The following ZNF469 variants were observed in gnomAD, a reference collection of about 807,000 sequenced individuals.
ZNF469 encodes the protein zinc finger protein 469.
Under a neutral mutation model 1.0 loss-of-function variants are expected in ZNF469, and 1 was observed. The observed-to-expected ratio is 1.00, with a 90% CI of 0.35 to 4.73. The LOEUF (loss-of-function observed/expected upper bound fraction) is 4.73. Among genes scored for constraint, ZNF469 ranks in the 30% most tolerant of loss-of-function variants. The probability of loss-of-function intolerance (pLI) is 0.16; values close to 1 mark genes in which losing one functional copy is unlikely to be tolerated. For synonymous variants in ZNF469, 2,703 were observed against 2,363.4 expected, an observed-to-expected ratio of 1.14 and a Z score of -4.17; for missense variants, 6,100 against 5,356.3, an observed-to-expected ratio of 1.14 and a Z score of -4.33.
chr16:88,325,009 C>T, the ZNF469 span, among the ~76,000 whole-genome samples: 25 of 152,270 alleles, frequency 1.6e-4, no homozygotes, highest in African/African-American at 6.0e-4. Flanking sequence ...GCACTTCAGC[C>T]AGTGGGAGCA....
rs1906463721 is a variant in ZNF469 at position 88,434,943 on chromosome 16, G to A, written c.7473G>A (p.Lys2491=). 6.5e-7 allele frequency: 1 copy of A among 1,549,962 alleles called. No individual in the cohort carries two copies. The highest frequency in any genetic ancestry group is 8.7e-7 in the Non-Finnish European group (1 of 1,146,944). The part of the protein sequence containing the change: ...FRSGPGLSRH[K]ARKHRPHPGA... ...CCGGGCCGGGCCTGAGCCGGCACAAGGCCAGGAAGCACCGGCCACACCCGG... is the reference window on the plus strand; with the variant it reads ...CCGGGCCGGGCCTGAGCCGGCACAAAGCCAGGAAGCACCGGCCACACCCGG... The change falls in exon 3 of 3, where the codon AAG becomes AAA. Residue 2491 remains lysine, a synonymous_variant. Transcript: ENST00000565624.
intron 1 of ZNF469, among the ~76,000 whole-genome samples, chr16:88,384,650 G>C (rs2092533359): frequency 6.6e-6 from 1 of 152,204 alleles, no homozygotes; most frequent in South Asian, 2.1e-4. Context: ...AGGAAGGCCA[G>C]GGCCTTCTCA....
In ZNF469 at chr16:88,431,251, G is replaced by C. The variant is rs913053503; in HGVS notation, c.3781G>C (p.Gly1261Arg). 1.3e-6 allele frequency: 2 copies of C among 1,550,248 alleles called. No individual in the cohort carries two copies. The highest frequency in any genetic ancestry group is 1.2e-5 in the South Asian group (1 of 84,072). The change falls in exon 3 of 3, where the codon GGT becomes CGT. Residue 1261 changes from glycine to arginine, a missense_variant. Physicochemically the swap from Gly to Arg is moderately radical, Grantham distance 125. Transcript: ENST00000565624. ...ACAGEMGASP[G>R]LLIPEQPPPS... is the part of the protein sequence containing the mutation. ...TGCGGGAGAAATGGGAGCAAGCCCC[G>C]GTCTCCTGATACCAGAGCAGCCGCC...
At chr16:88,109,078 C>G in the ZNF469 span, among the ~76,000 whole-genome samples, 1 of 152,342 alleles carries the variant, frequency 6.6e-6, no homozygotes, top group African/African-American at 2.4e-5. Context: ...AACAAATGCG[C>G]CAGCTGCCAG....
At chr16:88,385,504 A>G (rs2092534931) in intron 1 of ZNF469, among the ~76,000 whole-genome samples, 1 of 152,022 alleles carries the variant, frequency 6.6e-6, no homozygotes, top group South Asian at 2.1e-4. Context: ...TTAGCCAGGC[A>G]TGGTAGTGTG....
At chr16:88,131,160 C>T in the ZNF469 span, among the ~76,000 whole-genome samples, 3 of 152,224 alleles carry the variant, frequency 2.0e-5, no homozygotes, top group African/African-American at 4.8e-5. Context: ...TCAAAACAAA[C>T]GTGCGGCAGA....
chr16:88,148,797 C>T, the ZNF469 span, among the ~76,000 whole-genome samples: 1 of 152,124 alleles, frequency 6.6e-6, no homozygotes, highest in African/African-American at 2.4e-5. Context: ...CAACTCTGTT[C>T]TCACTGGGCC....
At chr16:88,128,190 G>C in the ZNF469 span, among the ~76,000 whole-genome samples, 48 of 152,166 alleles carry the variant, frequency 3.2e-4, no homozygotes, top group Admixed American at 7.2e-4. Context: ...CTGAGGATGG[G>C]TGGCCCCTCT....
chr16:88,325,062 T>A, the ZNF469 span, among the ~76,000 whole-genome samples: 1 of 152,148 alleles, frequency 6.6e-6, no homozygotes, highest in Non-Finnish European at 1.5e-5. Flanking sequence ...GGAAATATCC[T>A]TCCAGCAGCT....
At chr16:88,238,407 A>G in the ZNF469 span, among the ~76,000 whole-genome samples, 1 of 152,134 alleles carries the variant, frequency 6.6e-6, no homozygotes, top group Non-Finnish European at 1.5e-5. Context: ...GGACGCAGAG[A>G]CCCTAGATAG....
At chr16:88,381,366 ACT>A (rs1438829398), upstream of ZNF469, among the ~76,000 whole-genome samples, 2 of 148,020 alleles carry the variant, frequency 1.4e-5, no homozygotes, top group African/African-American at 5.0e-5. Flanking sequence ...ACACACATGC[ACT>A]CACACACAGA....
the ZNF469 span, among the ~76,000 whole-genome samples, chr16:88,104,902 G>A: frequency 6.6e-6 from 1 of 152,070 alleles, no homozygotes; most frequent in African/African-American, 2.4e-5. Context: ...TCCTGGAGAG[G>A]ACACTTCTTG....
chr16:88,306,915 T>G, the ZNF469 span, among the ~76,000 whole-genome samples: 1 of 152,218 alleles, frequency 6.6e-6, no homozygotes, highest in Non-Finnish European at 1.5e-5. Context: ...TTCACAGAAT[T>G]GTGCAACCGT....
chr16:88,402,640 A>G (rs1369102187), intron 1 of ZNF469, among the ~76,000 whole-genome samples: 2 of 152,144 alleles, frequency 1.3e-5, no homozygotes, highest in Non-Finnish European at 2.9e-5. Flanking sequence ...CCCCACGGTC[A>G]GGGCCTCCAC....
At chr16:88,163,489 GATGGATGA>G in the ZNF469 span, among the ~76,000 whole-genome samples, 5 of 107,484 alleles carry the variant, frequency 4.7e-5, no homozygotes, top group Admixed American at 3.1e-4. Flanking sequence ...GACAGAGAAG[GATGGATGA>G]ATGGATGGAT....
chr16:88,428,028 G>A lies in ZNF469; in HGVS notation c.558G>A (p.Glu186=). ...TTGGCTTCCACAGGTGCTTCCAGGAGCCACCCTCCAGCTTTACCTCCACCA... is the reference window on the plus strand; with the variant it reads ...TTGGCTTCCACAGGTGCTTCCAGGAACCACCCTCCAGCTTTACCTCCACCA... ...EELGFHRCFQ[E]PPSSFTSTNY... Residue 186 remains glutamate, a synonymous_variant, in exon 3 of 3, where the codon GAG becomes GAA. Coordinates refer to ENST00000565624, the MANE Select transcript of ZNF469 (RefSeq NM_001367624.2). 6.5e-7 allele frequency: 1 copy of A among 1,549,960 alleles called. No individual in the cohort carries two copies. The highest frequency in any genetic ancestry group is 1.4e-5 in the African/African-American group (1 of 73,108).
Position 88,435,547 on chromosome 16 carries a change from C to T in ZNF469, c.8077C>T (p.Pro2693Ser), listed in dbSNP as rs1380872774. 1.9e-5 allele frequency: 29 copies of T among 1,549,578 alleles called. No individual in the cohort carries two copies. The East Asian group carries it at 7.1e-4, about 38-fold the overall frequency. The change falls in exon 3 of 3, where the codon CCT becomes TCT. Residue 2693 changes from proline to serine, a missense_variant. Transcript: ENST00000565624. Reference sequence around the variant, plus strand: ...GCCTGAGGCTGACGGGGAGCAGCCGCCTCGCTTGGCCACTCTGGGACCTGG... The same window carrying T: ...GCCTGAGGCTGACGGGGAGCAGCCGTCTCGCTTGGCCACTCTGGGACCTGG... ...GGPEADGEQP[P>S]RLATLGPGVM...
chr16:88,369,351 GC>G, the ZNF469 span, among the ~76,000 whole-genome samples: 1 of 152,228 alleles, frequency 6.6e-6, no homozygotes, highest in Non-Finnish European at 1.5e-5. Flanking sequence ...TGGGACTAAA[GC>G]CCCATTGCTT....
At chr16:88,162,866 G>A in the ZNF469 span, among the ~76,000 whole-genome samples, 3,693 of 152,298 alleles carry the variant, frequency 0.024, 141 homozygotes, top group African/African-American at 0.081. Context: ...AATACTTAGT[G>A]CCTACTCCAA....
Sources: gnomAD v4.1 joint callset for allele counts (sites outside exome capture counted in the v4.1 genomes callset) on GRCh38, gnomAD v4.1.1 for gene constraint, MANE v1.5 for transcripts, NCBI Gene and HGNC (gene_info 2026-07-23, HGNC 2026-07-21) for gene names.